Variants in MYRF observed in about 807,000 individuals in gnomAD.
MYRF encodes myelin gene regulatory factor.
Under a neutral mutation model 126.3 loss-of-function variants are expected in MYRF, and 16 were observed. The ratio of observed to expected loss-of-function variants is 0.13; its 90% CI spans 0.09 to 0.19. MYRF has a LOEUF of 0.19. Among genes scored for constraint, MYRF ranks in the 10% least tolerant of loss-of-function variants. The probability of loss-of-function intolerance (pLI) is 1.00; values close to 1 mark genes in which losing one functional copy is unlikely to be tolerated. For missense variants in MYRF, 1,104 were observed against 1,547.0 expected (o/e 0.71, Z 4.80); for synonymous variants, 608 against 635.3 (o/e 0.96, Z 0.65).
chr11:61,776,599 C>T lies in MYRF; in HGVS notation c.1499+167C>T, dbSNP rs2066390731. Reference sequence around the variant, plus strand: ...ACTTAAGGATGGGAAGAGCAGAAGCCTGGCTTCTGGGTTGAGAAACAGCCC... The same window carrying T: ...ACTTAAGGATGGGAAGAGCAGAAGCTTGGCTTCTGGGTTGAGAAACAGCCC... On this transcript the variant is annotated intron_variant, in intron 10 of 26. Coordinates refer to ENST00000278836, the MANE Select transcript of MYRF (RefSeq NM_001127392.3). The surrounding 1 kb of genome is among the most constrained non-coding windows in gnomAD (Gnocchi z 4.3). 6.6e-6 allele frequency among the ~76,000 whole-genome samples: 1 copy of T among 152,148 alleles called. No individual in the cohort carries two copies. Among genetic ancestry groups the T allele is most frequent in the Admixed American group, 6.5e-5 (1 of 15,276 alleles).
chr11:61,759,409 C>T (rs2065846068), intron 1 of MYRF, among the ~76,000 whole-genome samples: 1 of 152,224 alleles, frequency 6.6e-6, no homozygotes, highest in East Asian at 1.9e-4. Flanking sequence ...GTGGCTCATG[C>T]CTGTAATCCC....
chr11:61,752,738 G>A lies in MYRF; in HGVS notation c.-7G>A. 1 of 1,460,352 alleles carries A rather than the reference G, an allele frequency of 6.8e-7. No homozygotes were observed. The highest frequency in any genetic ancestry group is 3.0e-5 in the East Asian group (1 of 33,030). 90.5% of individuals were successfully genotyped at this position (1,460,352 alleles called of 1,614,324 possible). Reference sequence around the variant, plus strand: ...CGCGGCTGGAGTGTGCGCCGGGCAGGCGGGACATGGAGGTGGTGGACGAGA... The same window carrying A: ...CGCGGCTGGAGTGTGCGCCGGGCAGACGGGACATGGAGGTGGTGGACGAGA... On this transcript the variant is annotated 5_prime_UTR_variant, in exon 1 of 27. Transcript: ENST00000278836.
intron 1 of MYRF, among the ~76,000 whole-genome samples, chr11:61,753,845 C>G (rs566867182): frequency 6.6e-6 from 1 of 152,256 alleles, no homozygotes; most frequent in East Asian, 1.9e-4. Context: ...GGGATGGGAC[C>G]GCAGTGGGAG....
chr11:61,784,560 G>A (rs962417336), intron 25 of MYRF, 175 bp downstream of exon 25: 15 of 601,886 alleles, frequency 2.5e-5, no homozygotes, highest in Non-Finnish European at 3.5e-5. Context: ...ACGCGTGCCC[G>A]TGTTTGTTCA....
intron 6 of MYRF, 33 bp from the exon 7 acceptor site, chr11:61,771,796 T>C: frequency 6.2e-7 from 1 of 1,613,740 alleles, no homozygotes; most frequent in Non-Finnish European, 8.5e-7. Context: ...GGACCCAAGG[T>C]GCAGGGCCCA....
chr11:61,756,428 G>A (rs1299384618), intron 1 of MYRF, among the ~76,000 whole-genome samples: 1 of 152,120 alleles, frequency 6.6e-6, no homozygotes, highest in African/African-American at 2.4e-5. Flanking sequence ...TCCGGGGGCT[G>A]AGCTGGGCTT....
chr11:61,785,459 C>A, intron 25 of MYRF: 1 of 264,344 alleles, frequency 3.8e-6, no homozygotes, highest in East Asian at 8.0e-5. Context: ...CTAGTAGCAG[C>A]ACTGTGTCAC....
intron 25 of MYRF, 59 bp from the exon 26 acceptor site, chr11:61,785,738 GAGA>G: frequency 7.0e-7 from 1 of 1,420,972 alleles, no homozygotes; most frequent in Admixed American, 1.7e-5. Context: ...CGGCCGTGGT[GAGA>G]GATGCTGGTT....
intron 1 of MYRF, chr11:61,755,336 G>T: frequency 6.4e-7 from 1 of 1,572,240 alleles, no homozygotes; most frequent in East Asian, 2.3e-5. Context: ...CCGGGCCCCC[G>T]TGACCGCCCG....
intron 25 of MYRF, chr11:61,785,318 T>G (rs376959205): frequency 6.1e-6 from 1 of 164,766 alleles, no homozygotes; most frequent in Non-Finnish European, 1.3e-5. Flanking sequence ...GCAAGCTGCC[T>G]GCAGCCAGGC....
chr11:61,756,949 G>T, intron 1 of MYRF: 1 of 351,370 alleles, frequency 2.8e-6, no homozygotes, highest in Non-Finnish European at 5.7e-6. Context: ...GAGGCTGCTG[G>T]GTAACAGCCC....
At chr11:61,769,230 C>T (rs751631397) in intron 3 of MYRF, 30 bp from the exon 4 acceptor site, 2 of 1,438,844 alleles carry the variant, frequency 1.4e-6, no homozygotes, top group Non-Finnish European at 1.9e-6. Flanking sequence ...CAGCTGCTCA[C>T]CCCCCGGCCC....
In MYRF at chr11:61,765,531, G is replaced by A. The variant is rs1191375413; in HGVS notation, c.47-94G>A. The A allele has an allele frequency of 3.0e-6, 3 of 1,011,096 alleles. No homozygotes were observed. In the East Asian group the frequency reaches 7.9e-5, roughly 27 times the overall value. The allele number at this position is 1,011,096 out of a possible 1,614,324, so 62.6% of individuals were successfully genotyped here. On this transcript the variant is annotated intron_variant, in intron 1 of 26. Transcript: ENST00000278836. ...AGGAGCAGGGGCATCTGTTTTGGAG[G>A]GCCAGCCTGGGCAGGGATGGAGGGC...
Position 61,775,149 on chromosome 11 carries a change from C to G in MYRF, c.1312-907C>G, listed in dbSNP as rs376033792. On this transcript the variant is annotated intron_variant, in intron 8 of 26. Transcript: ENST00000278836. ...TACCTCCCTTCCTTGTCGGAATGTC[C>G]ACAGCAGCTGGGACCCCCAACTCCT... is the stretch of plus-strand genomic sequence containing the variant. 1.1e-4 allele frequency among the ~76,000 whole-genome samples: 16 copies of G among 152,288 alleles called. No individual in the cohort carries two copies. In the East Asian group the frequency reaches 3.1e-3, roughly 29 times the overall value.
At chr11:61,755,806 A>G (rs1591070599) in intron 1 of MYRF, 1 of 504,994 alleles carries the variant, frequency 2.0e-6, no homozygotes, top group East Asian at 5.3e-5. Flanking sequence ...AGTGTCCCCC[A>G]GAAAGCAGGT....
At chr11:61,781,425 G>C in intron 21 of MYRF, 96 bp downstream of exon 21, 1 of 1,551,542 alleles carries the variant, frequency 6.4e-7, no homozygotes, top group Admixed American at 1.8e-5. Context: ...CTGGAGCCTA[G>C]AACGAGGCTC....
chr11:61,785,974 G>A (rs912157643), intron 26 of MYRF, 89 bp from the exon 27 acceptor site: 63 of 1,556,434 alleles, frequency 4.0e-5, no homozygotes, highest in Non-Finnish European at 5.3e-5. Context: ...GGTAGGGCTG[G>A]GGGCACAGTG....
chr11:61,759,631 C>G (rs1029223709), intron 1 of MYRF, among the ~76,000 whole-genome samples: 1 of 151,980 alleles, frequency 6.6e-6, no homozygotes, highest in African/African-American at 2.4e-5. Flanking sequence ...GATTGTGCCA[C>G]TGCACTCCAG....
Position 61,780,940 on chromosome 11 carries a change from A to C in MYRF, c.2487-20A>C, listed in dbSNP as rs983200163. 1.9e-6 allele frequency: 3 copies of C among 1,608,540 alleles called. No homozygotes were observed. The highest frequency in any genetic ancestry group is 2.5e-6 in the Non-Finnish European group (3 of 1,179,776). On this transcript the variant is annotated intron_variant, in intron 19 of 26. Transcript: ENST00000278836. ...AAGCTCTCCCAGCCCCTCTGAGCTCAGCCCATCCTTCCCCAGCAGGTCCAG... is the reference window on the plus strand; with the variant it reads ...AAGCTCTCCCAGCCCCTCTGAGCTCCGCCCATCCTTCCCCAGCAGGTCCAG...
Sources: allele counts gnomAD v4.1 joint callset (sites outside exome capture counted in the v4.1 genomes callset), GRCh38; gene constraint gnomAD v4.1.1; non-coding constraint Gnocchi (gnomAD v3.1); transcripts MANE v1.5; gene names NCBI Gene and HGNC (gene_info 2026-07-23, HGNC 2026-07-21).